Variants in TRMT6 observed in about 807,000 individuals in gnomAD.
The protein encoded by TRMT6 is tRNA methyltransferase 6 non-catalytic subunit.
A neutral mutation model predicts 59.0 loss-of-function variants in TRMT6; 34 were observed. The ratio of observed to expected loss-of-function variants is 0.58; its 90% CI spans 0.44 to 0.77. The LOEUF (loss-of-function observed/expected upper bound fraction) is 0.77. Among genes scored for constraint, TRMT6 ranks in the 30% least tolerant of loss-of-function variants. TRMT6 has a pLI of 0.00. For missense variants in TRMT6, 575 were observed against 604.5 expected, an observed-to-expected ratio of 0.95 and a Z score of 0.51; for synonymous variants, 217 against 210.5, an observed-to-expected ratio of 1.03 and a Z score of -0.27.
chr20:5,940,606 G>C (rs2088647388), intron 10 of TRMT6, among the ~76,000 whole-genome samples: 1 of 152,080 alleles, frequency 6.6e-6, no homozygotes, highest in Non-Finnish European at 1.5e-5. Context: ...AAGAAACAGA[G>C]ACATCTCTAT....
Position 5,946,392 on chromosome 20 carries a change from T to C in TRMT6, c.256+14A>G. 1 of 1,614,112 alleles carries C rather than the reference T, an allele frequency of 6.2e-7. No homozygotes were observed. Among genetic ancestry groups the C allele is most frequent in the Non-Finnish European group, 8.5e-7 (1 of 1,180,012 alleles). On this transcript the variant is annotated intron_variant, in intron 2 of 10. Transcript: ENST00000203001. ...AGTTGGAGAGCATCTATTTCACGCATCCAAAATGTGCACCTGCAGTAGGCT... is the reference window on the plus strand; with the variant it reads ...AGTTGGAGAGCATCTATTTCACGCACCCAAAATGTGCACCTGCAGTAGGCT...
chr20:5,941,016 G>A, intron 10 of TRMT6, 37 bp downstream of exon 10: 1 of 1,510,046 alleles, frequency 6.6e-7, no homozygotes, highest in Non-Finnish European at 9.2e-7. Flanking sequence ...CAAGTCTCGG[G>A]AGGGCAGCTC....
chr20:5,944,060 T>C, intron 4 of TRMT6, 29 bp from the exon 5 acceptor site: 1 of 1,512,380 alleles, frequency 6.6e-7, no homozygotes, highest in Non-Finnish European at 8.9e-7. Flanking sequence ...GAACGCTGAT[T>C]TAAAAAAATG....
intron 1 of TRMT6, among the ~76,000 whole-genome samples, chr20:5,948,598 G>A (rs1315266364): frequency 6.6e-6 from 1 of 152,038 alleles, no homozygotes; most frequent in Non-Finnish European, 1.5e-5. Context: ...CCAGCACTTT[G>A]GGAGGCTGAG....
intron 10 of TRMT6, among the ~76,000 whole-genome samples, chr20:5,939,193 A>G (rs2088634966): frequency 6.6e-6 from 1 of 152,194 alleles, no homozygotes. Flanking sequence ...CTTTTGAAAA[A>G]TAAAACTGGC....
At chr20:5,947,243 A>C (rs2088715633) in intron 1 of TRMT6, among the ~76,000 whole-genome samples, 1 of 152,184 alleles carries the variant, frequency 6.6e-6, no homozygotes, top group Non-Finnish European at 1.5e-5. Flanking sequence ...TCTTTCCACT[A>C]TACCACACGG....
At chr20:5,945,178 T>C (rs1434191155) in intron 2 of TRMT6, among the ~76,000 whole-genome samples, 4 of 152,214 alleles carry the variant, frequency 2.6e-5, no homozygotes, top group African/African-American at 7.2e-5. Context: ...ACCCCATGCT[T>C]AAAACCATAC....
chr20:5,939,869 G>A (rs1242178585), intron 10 of TRMT6, among the ~76,000 whole-genome samples: 1 of 152,168 alleles, frequency 6.6e-6, no homozygotes, highest in Non-Finnish European at 1.5e-5. Flanking sequence ...CAATGAGACG[G>A]GGCCTACGGC....
In TRMT6 at chr20:5,938,376, A is replaced by G; in HGVS notation, c.*159T>C. On this transcript the variant is annotated 3_prime_UTR_variant, in exon 11 of 11. Coordinates refer to ENST00000203001, the MANE Select transcript of TRMT6 (RefSeq NM_015939.5). ...TTGACAGACCAAATGCATCTGTGTC[A>G]GAAATAGACAAAAGGCATATACTCC... 1 of 745,418 alleles carries G rather than the reference A, an allele frequency of 1.3e-6. No homozygotes were observed. Among genetic ancestry groups the G allele is most frequent in the Non-Finnish European group, 2.1e-6 (1 of 472,232 alleles). The allele number at this position is 745,418 out of a possible 1,614,324, so 46.2% of individuals were successfully genotyped here.
intron 3 of TRMT6, 138 bp downstream of exon 3, chr20:5,944,665 CAT>C (rs775007792): frequency 7.4e-5 from 46 of 618,504 alleles, no homozygotes; most frequent in Non-Finnish European, 1.2e-4. Context: ...TGTTGAGTAA[CAT>C]GTACATTTCA....
rs141824756 is a variant in TRMT6, at chr20:5,950,524, C to A, written c.-119G>T. On this transcript the variant is annotated 5_prime_UTR_variant, in exon 1 of 11. Coordinates refer to ENST00000203001, the MANE Select transcript of TRMT6 (RefSeq NM_015939.5). Reference sequence around the variant, plus strand: ...GGAGCCCTCCGACCGGCACCGCCCCCACGTGTTGCACGCCGCTTCCGCTTT... The same window carrying A: ...GGAGCCCTCCGACCGGCACCGCCCCAACGTGTTGCACGCCGCTTCCGCTTT... 23 of 1,150,334 alleles carry A rather than the reference C, an allele frequency of 2.0e-5. No individual in the cohort carries two copies. The highest frequency in any genetic ancestry group is 8.9e-5 in the East Asian group (3 of 33,778). 71.3% of individuals were successfully genotyped at this position (1,150,334 alleles called of 1,614,324 possible).
intron 8 of TRMT6, 67 bp from the exon 9 acceptor site, chr20:5,941,412 C>A (rs1401253188): frequency 8.9e-7 from 1 of 1,118,226 alleles, no homozygotes. Flanking sequence ...TTTTAAAATG[C>A]ATTTAAAATG....
intron 4 of TRMT6, 27 bp downstream of exon 4, chr20:5,944,135 G>C (rs236178): frequency 0.23 from 310,809 of 1,364,642 alleles, 47,135 homozygotes; most frequent in African/African-American, 0.7. Flanking sequence ...TTAATATTGT[G>C]GGCCTTTTAA....
Position 5,946,548 on chromosome 20 carries a change from T to C in TRMT6, c.129-15A>G. On this transcript the variant is annotated splice_polypyrimidine_tract_variant and intron_variant, in intron 1 of 10. Transcript: ENST00000203001. ...AAGTTACTTTTCTAGGGAAAAAAAG[T>C]AATCAATTAACTGAATATCTTTTCT... 1.2e-6 allele frequency: 2 copies of C among 1,612,044 alleles called. No individual in the cohort carries two copies. Among genetic ancestry groups the C allele is most frequent in the Non-Finnish European group, 1.7e-6 (2 of 1,178,260 alleles).
At position 5,942,012 on chromosome 20, in the gene TRMT6, C is replaced by G; in HGVS notation, c.1051G>C (p.Glu351Gln). 1 of 1,613,050 alleles carries G rather than the reference C, an allele frequency of 6.2e-7. No homozygotes were observed. Among genetic ancestry groups the G allele is most frequent in the Non-Finnish European group, 8.5e-7 (1 of 1,180,008 alleles). ...DYIQEKQRRQEEQRKRHLEAA... is the reference protein window; with the variant it reads ...DYIQEKQRRQQEQRKRHLEAA... ...TCTAAATGTCTTTTCCTCTGCTCTTCTTGTCTCCTCTGTTTTTCCTGAATC... is the reference window on the plus strand; with the variant it reads ...TCTAAATGTCTTTTCCTCTGCTCTTGTTGTCTCCTCTGTTTTTCCTGAATC... The change falls in exon 8 of 11, where the codon GAA becomes CAA. Residue 351 changes from glutamate to glutamine, a missense_variant. By Grantham distance (29) the Glu-to-Gln change is conservative. Transcript: ENST00000203001.
chr20:5,941,680 G>A (rs1335367747), intron 8 of TRMT6: 2 of 540,900 alleles, frequency 3.7e-6, no homozygotes, highest in Admixed American at 6.7e-5. Flanking sequence ...CAGCATTTGA[G>A]TGCCCCATCC....
chr20:5,944,161 C>CT lies in TRMT6; in HGVS notation c.458dup (p.Tyr154IlefsTer2). The CT allele has an allele frequency of 1.6e-5, 23 of 1,479,628 alleles. No homozygotes were observed. Among genetic ancestry groups the CT allele is most frequent in the Admixed American group, 4.1e-5 (2 of 48,650 alleles). 91.7% of individuals were successfully genotyped at this position (1,479,628 alleles called of 1,614,324 possible). The stretch of plus-strand genomic sequence containing the variant: ...GGCCTTTTAAAATAAAAACTACTTA[C>CT]TTTTTTTTCTTCTTTTTAATATATT... On this transcript the variant is annotated frameshift_variant and splice_region_variant. Transcript: ENST00000203001. LOFTEE classifies it high-confidence loss of function.
At chr20:5,949,762 T>C (rs2088760779) in intron 1 of TRMT6, among the ~76,000 whole-genome samples, 1 of 151,928 alleles carries the variant, frequency 6.6e-6, no homozygotes, top group Non-Finnish European at 1.5e-5. Context: ...AGATCCTGAC[T>C]GGGGGATTAG....
chr20:5,942,445 C>G lies in TRMT6; in HGVS notation c.1009G>C (p.Gly337Arg). ...DPEHKGPKER[G>R]SKKDYIQEKQ... ...ATCCTTACATAATCTTTTTTGCTTC[C>G]TCTCTCTTTAGGCCCCTTATGTTCT... The change falls in exon 7 of 11, where the codon GGA becomes CGA. Residue 337 changes from glycine (G) to arginine (R), a missense_variant. Transcript: ENST00000203001. The G allele has an allele frequency of 6.2e-7, 1 of 1,613,766 alleles. No homozygotes were observed. Among genetic ancestry groups the G allele is most frequent in the Non-Finnish European group, 8.5e-7 (1 of 1,179,900 alleles).
Sources: allele counts gnomAD v4.1 joint callset (sites outside exome capture counted in the v4.1 genomes callset), GRCh38; gene constraint gnomAD v4.1.1; transcripts MANE v1.5; gene names NCBI Gene and HGNC (gene_info 2026-07-23, HGNC 2026-07-21).